The following SUSD5 variants were observed in gnomAD, a reference collection of about 807,000 sequenced individuals.
SUSD5 encodes the protein sushi domain-containing protein 5.
A neutral mutation model predicts 29.5 loss-of-function variants in SUSD5; 33 were observed. The observed-to-expected ratio is 1.12, with a 90% CI of 0.85 to 1.49. The LOEUF is 1.49. Among genes scored for constraint, SUSD5 ranks in the 40% most tolerant of loss-of-function variants. SUSD5 has a pLI of 0.00. For synonymous variants in SUSD5, 308 were observed against 325.3 expected (o/e 0.95, Z 0.57); for missense variants, 776 against 800.6 (o/e 0.97, Z 0.37).
At chr3:33,216,595 G>C (rs559704566) in intron 1 of SUSD5, among the ~76,000 whole-genome samples, 2 of 152,228 alleles carry the variant, frequency 1.3e-5, no homozygotes, top group African/African-American at 4.8e-5. Context: ...CTCAGTTCTA[G>C]GTCTTCTTGC....
chr3:33,162,424 G>A (rs2031209421), intron 4 of SUSD5, among the ~76,000 whole-genome samples: 1 of 151,868 alleles, frequency 6.6e-6, no homozygotes, highest in African/African-American at 2.4e-5. Context: ...AATAGAAGAA[G>A]GAGATTTTTA....
At chr3:33,160,501 G>C (rs1329998602) in intron 4 of SUSD5, among the ~76,000 whole-genome samples, 1 of 152,090 alleles carries the variant, frequency 6.6e-6, no homozygotes, top group Non-Finnish European at 1.5e-5. Context: ...GCTGCAGTGG[G>C]CCATGACGTG....
At chr3:33,175,547 TAC>T (rs543958828) in intron 3 of SUSD5, among the ~76,000 whole-genome samples, 45 of 149,126 alleles carry the variant, frequency 3.0e-4, no homozygotes, top group African/African-American at 8.3e-4. Flanking sequence ...ACACAAAAAT[TAC>T]ACACACACAC....
chr3:33,218,291 G>C (rs2032460332), intron 1 of SUSD5, among the ~76,000 whole-genome samples: 1 of 152,152 alleles, frequency 6.6e-6, no homozygotes, highest in Non-Finnish European at 1.5e-5. Context: ...TCTAACCATC[G>C]GCGGTGTCCT....
chr3:33,169,788 T>A (rs936397689), intron 4 of SUSD5, among the ~76,000 whole-genome samples: 3 of 151,994 alleles, frequency 2.0e-5, no homozygotes, highest in Non-Finnish European at 4.4e-5. Flanking sequence ...CAGCTTGGGG[T>A]CAAGCACTTT....
chr3:33,175,929 G>A (rs2031543915), intron 3 of SUSD5, among the ~76,000 whole-genome samples: 1 of 152,176 alleles, frequency 6.6e-6, no homozygotes, highest in Non-Finnish European at 1.5e-5. Flanking sequence ...CAAATGCACA[G>A]TGACACATAT....
intron 4 of SUSD5, chr3:33,168,558 C>G: frequency 1.0e-6 from 1 of 985,474 alleles, no homozygotes; most frequent in Non-Finnish European, 1.2e-6. Flanking sequence ...AGGTGTGCTG[C>G]CCCGAGGCCT....
intron 4 of SUSD5, among the ~76,000 whole-genome samples, chr3:33,172,331 A>G (rs1262035996): frequency 1.3e-5 from 2 of 152,208 alleles, no homozygotes; most frequent in Non-Finnish European, 1.5e-5. Context: ...AGCAGCTTAA[A>G]GCTTTAACAA....
chr3:33,186,647 G>A (rs1008795916), intron 3 of SUSD5, among the ~76,000 whole-genome samples: 2 of 152,052 alleles, frequency 1.3e-5, no homozygotes, highest in Non-Finnish European at 2.9e-5. Context: ...GGATGGTCTT[G>A]ATCTCTTGAC....
intron 3 of SUSD5, among the ~76,000 whole-genome samples, chr3:33,198,853 G>T (rs1287664391): frequency 6.6e-6 from 1 of 152,136 alleles, no homozygotes; most frequent in African/African-American, 2.4e-5. Flanking sequence ...TTTTACTTGG[G>T]GGAAAGAGAG....
chr3:33,207,675 T>C (rs2032246710), intron 3 of SUSD5, 133 bp downstream of exon 3: 6 of 587,356 alleles, frequency 1.0e-5, no homozygotes, highest in Admixed American at 3.5e-5. Context: ...TATTGGCTTT[T>C]CTTTGGAAGA....
rs762496016 is a variant in SUSD5, at chr3:33,207,804, T to G, written c.409+4A>C. 8.1e-6 allele frequency: 13 copies of G among 1,603,474 alleles called. No homozygotes were observed. Among genetic ancestry groups the G allele is most frequent in the Non-Finnish European group, 1.1e-5 (13 of 1,171,542 alleles). ...AGCACCTTTAAGAAGACTCTGGCAC[T>G]GACCTTCATCCTTAATACAAAGGGC... On this transcript the variant is annotated splice_donor_region_variant and intron_variant, in intron 3 of 4. Coordinates refer to ENST00000309558, the MANE Select transcript of SUSD5 (RefSeq NM_015551.2).
chr3:33,197,547 C>T (rs2032018533), intron 3 of SUSD5, among the ~76,000 whole-genome samples: 2 of 138,106 alleles, frequency 1.4e-5, no homozygotes, highest in Non-Finnish European at 2.9e-5. Context: ...ATTGTATAAC[C>T]ACCACCACCA....
chr3:33,157,657 T>C (rs561865777), intron 4 of SUSD5, among the ~76,000 whole-genome samples: 1 of 152,346 alleles, frequency 6.6e-6, no homozygotes, highest in African/African-American at 2.4e-5. Context: ...CTCTAGAATC[T>C]GGGCTGACCT....
chr3:33,189,270 C>G (rs9824154), intron 3 of SUSD5, among the ~76,000 whole-genome samples: 90,569 of 151,908 alleles, frequency 0.6, 27,235 homozygotes, highest in South Asian at 0.66. Context: ...ACGAGGTCAA[C>G]AGTTCAAGAC....
chr3:33,207,743 CA>C, intron 3 of SUSD5, 64 bp downstream of exon 3: 1 of 1,091,040 alleles, frequency 9.2e-7, no homozygotes, highest in East Asian at 2.6e-5. Flanking sequence ...CTAGAGAAAC[CA>C]ACCTCATATA....
rs2030919385 is a variant in SUSD5 at position 33,152,342 on chromosome 3, C to G, written c.*400G>C. ...GGCTGAGGCAGGAGAATTGCTTGAA[C>G]TTGGGAGGCAGAGGTTGCAGTGAGC... is the stretch of plus-strand genomic sequence containing the variant. On this transcript the variant is annotated 3_prime_UTR_variant, in exon 5 of 5. Transcript: ENST00000309558. 1 of 161,050 alleles carries G rather than the reference C, an allele frequency of 6.2e-6. No homozygotes were observed. The highest frequency in any genetic ancestry group is 1.4e-5 in the Non-Finnish European group (1 of 73,458). The allele number at this position is 161,050 out of a possible 1,614,324, so 10.0% of individuals were successfully genotyped here.
intron 2 of SUSD5, among the ~76,000 whole-genome samples, chr3:33,211,658 C>T (rs1559458237): frequency 6.6e-6 from 1 of 152,278 alleles, no homozygotes; most frequent in East Asian, 1.9e-4. Context: ...TCATCATCTA[C>T]CAAAGTAGTT....
intron 3 of SUSD5, among the ~76,000 whole-genome samples, chr3:33,191,624 C>G (rs2031893109): frequency 6.6e-6 from 1 of 151,872 alleles, no homozygotes; most frequent in African/African-American, 2.4e-5. Flanking sequence ...TAAGTTCTGC[C>G]AAGTTGAATA....
Sources: gnomAD v4.1 joint callset for allele counts (sites outside exome capture counted in the v4.1 genomes callset) on GRCh38, gnomAD v4.1.1 for gene constraint, MANE v1.5 for transcripts, NCBI Gene and HGNC (gene_info 2026-07-23, HGNC 2026-07-21) for gene names.